SCLT1: variants seen among roughly 807,000 people sequenced by gnomAD.
SCLT1 encodes the protein sodium channel-associated protein 1.
A neutral mutation model predicts 112.8 loss-of-function variants in SCLT1; 78 were observed. That is an observed-to-expected ratio of 0.69 (90% confidence interval 0.58 to 0.83). The LOEUF (loss-of-function observed/expected upper bound fraction) is 0.83. Ranked by LOEUF, SCLT1 falls within the 40% of genes least tolerant of loss-of-function variation. SCLT1 has a pLI of 0.00. For synonymous variants in SCLT1, 257 were observed against 254.7 expected (o/e 1.01, Z -0.09); for missense variants, 747 against 770.4 (o/e 0.97, Z 0.36).
chr4:128,985,023 A>C (rs141533658), intron 9 of SCLT1, among the ~76,000 whole-genome samples: 1,621 of 152,238 alleles, frequency 0.011, 17 homozygotes, highest in Non-Finnish European at 0.017. Context: ...ATGTTGCTCT[A>C]ACTACATCTT....
At chr4:128,912,725 G>C (rs1668295) in intron 18 of SCLT1, among the ~76,000 whole-genome samples, 152,034 of 152,114 alleles carry the variant, frequency 1, 75,977 homozygotes, top group Middle Eastern at 1. Context: ...CCTCCTCTTC[G>C]CCCTCCTCCT....
At chr4:128,917,604 T>C (rs1317837728) in intron 18 of SCLT1, among the ~76,000 whole-genome samples, 2 of 152,180 alleles carry the variant, frequency 1.3e-5, no homozygotes, top group African/African-American at 4.8e-5. Context: ...TTTTAAAGAA[T>C]ATATGTTTGG....
At chr4:129,033,619 T>C (rs899093959) in intron 5 of SCLT1, among the ~76,000 whole-genome samples, 1 of 149,934 alleles carries the variant, frequency 6.7e-6, no homozygotes, top group East Asian at 2.0e-4. Flanking sequence ...CAGGGCTAGA[T>C]AATGCGCTCA....
chr4:128,990,806 A>G (rs1210991791), intron 9 of SCLT1, among the ~76,000 whole-genome samples: 1 of 151,734 alleles, frequency 6.6e-6, no homozygotes, highest in Admixed American at 6.6e-5. Flanking sequence ...GTCTGAAAAA[A>G]AAAACAAGAA....
intron 2 of SCLT1, among the ~76,000 whole-genome samples, chr4:129,063,021 A>C (rs1750131335): frequency 6.6e-6 from 1 of 151,996 alleles, no homozygotes; most frequent in Non-Finnish European, 1.5e-5. Flanking sequence ...TCTGTGTATC[A>C]CTTCTTTTGA....
At chr4:129,009,125 G>A (rs1233154030) in intron 5 of SCLT1, among the ~76,000 whole-genome samples, 2 of 152,294 alleles carry the variant, frequency 1.3e-5, no homozygotes, top group African/African-American at 4.8e-5. Flanking sequence ...CGATGAACAT[G>A]TGAGTGCATG....
chr4:129,040,128 G>A (rs1747574281), intron 4 of SCLT1: 2 of 700,240 alleles, frequency 2.9e-6, no homozygotes, highest in South Asian at 3.0e-5. Flanking sequence ...GAAGATCAAG[G>A]AAGCTTGGTC....
intron 18 of SCLT1, among the ~76,000 whole-genome samples, chr4:128,921,974 A>G (rs1005049403): frequency 6.6e-6 from 1 of 152,234 alleles, no homozygotes; most frequent in African/African-American, 2.4e-5. Context: ...ACCCCATTAT[A>G]AAGTGGGCAA....
In SCLT1 at chr4:128,997,878, T is replaced by C. The variant is rs749205253; in HGVS notation, c.611A>G (p.Glu204Gly). Residue 204 changes from glutamate (E) to glycine (G), a missense_variant, in exon 8 of 21, where the codon GAA becomes GGA. This residue lies in a region of SCLT1 where 723 missense variants were observed against 721.3 expected (regional missense o/e 1.00). Transcript: ENST00000281142. Reference protein sequence around the residue: ...KQLHVTNENMEVTNQQFLKTV... With the variant: ...KQLHVTNENMGVTNQQFLKTV... ...TATATAAATAAGTATACTTACCACTTCCATGTTCTCATTAGTAACATGAAG... is the reference window on the plus strand; with the variant it reads ...TATATAAATAAGTATACTTACCACTCCCATGTTCTCATTAGTAACATGAAG... 7.0e-7 allele frequency: 1 copy of C among 1,435,060 alleles called. No homozygotes were observed. The highest frequency in any genetic ancestry group is 9.4e-7 in the Non-Finnish European group (1 of 1,059,474). 88.9% of individuals were successfully genotyped at this position (1,435,060 alleles called of 1,614,324 possible).
intron 18 of SCLT1, among the ~76,000 whole-genome samples, chr4:128,905,857 T>G (rs1261027023): frequency 6.6e-6 from 1 of 152,110 alleles, no homozygotes; most frequent in Non-Finnish European, 1.5e-5. Flanking sequence ...CTACCTCCAT[T>G]CCAGTAATGT....
intron 5 of SCLT1, among the ~76,000 whole-genome samples, chr4:129,022,401 A>T (rs1217915517): frequency 1.3e-5 from 2 of 152,240 alleles, no homozygotes; most frequent in Non-Finnish European, 2.9e-5. Context: ...AACCTTGACA[A>T]AAGTTTACAG....
rs1295086689 is a variant in SCLT1 at position 129,017,149 on chromosome 4, T to C, written c.291-13273A>G. Among the ~76,000 whole-genome samples, 3 of 152,292 alleles carry C rather than the reference T, an allele frequency of 2.0e-5. No individual in the cohort carries two copies. In the East Asian group the frequency reaches 5.8e-4, roughly 29 times the overall value. On this transcript the variant is annotated intron_variant, in intron 5 of 20. Transcript: ENST00000281142. ...TAAAAATTTTTATGTGCTCATCTTT[T>C]GTCATTTTTTATTTTATTGCAGATG...
At chr4:129,026,107 T>A (rs186872575) in intron 5 of SCLT1, among the ~76,000 whole-genome samples, 2,273 of 152,218 alleles carry the variant, frequency 0.015, 26 homozygotes, top group Non-Finnish European at 0.022. Flanking sequence ...AATGGGAGAC[T>A]TTAACACCCC....
At position 128,982,334 on chromosome 4, in the gene SCLT1, C is replaced by T. The variant is rs532818856; in HGVS notation, c.686+9833G>A. Among the ~76,000 whole-genome samples, 10 of 152,252 alleles carry T rather than the reference C, an allele frequency of 6.6e-5. No individual in the cohort carries two copies. The South Asian group carries it at 2.1e-3, about 32-fold the overall frequency. On this transcript the variant is annotated intron_variant, in intron 9 of 20. Transcript: ENST00000281142. ...GGGTCAAATTAAAACAACTTTGAGG[C>T]TATCACATTATACATAAACTTATTA...
chr4:128,959,573 T>C lies in SCLT1; in HGVS notation c.1047+27A>G, dbSNP rs369907153. ...GGAGAATAGTCAACATTTTATTATA[T>C]CTAAACATATTTACTAGCTTTCTTA... On this transcript the variant is annotated intron_variant, in intron 12 of 20. Coordinates refer to ENST00000281142, the MANE Select transcript of SCLT1 (RefSeq NM_144643.4). 210 of 1,562,168 alleles carry C rather than the reference T, an allele frequency of 1.3e-4. 1 individual carries two copies. The highest frequency in any genetic ancestry group is 1.8e-4 in the Non-Finnish European group (202 of 1,135,526).
intron 1 of SCLT1, among the ~76,000 whole-genome samples, chr4:129,084,692 A>G (rs1201064289): frequency 6.6e-6 from 1 of 152,202 alleles, no homozygotes; most frequent in Non-Finnish European, 1.5e-5. Context: ...CCAATGGAAC[A>G]TAATAGTGAA....
At chr4:129,071,177 G>C (rs1750971101) in intron 2 of SCLT1, among the ~76,000 whole-genome samples, 1 of 152,038 alleles carries the variant, frequency 6.6e-6, no homozygotes, top group Non-Finnish European at 1.5e-5. Flanking sequence ...AATTTATTGA[G>C]GCCCATTTTA....
rs1409373740 is a variant in SCLT1, at chr4:128,897,330, A to G, written c.1830-6193T>C. 2.6e-5 allele frequency among the ~76,000 whole-genome samples: 4 copies of G among 152,146 alleles called. No homozygotes were observed. The East Asian group carries it at 7.7e-4, about 29-fold the overall frequency. ...TCAGACTAACAGCTGATCTCTCGGC[A>G]GAAACTCTACAAGCCAGAAGAGAGT... On this transcript the variant is annotated intron_variant, in intron 18 of 20. Coordinates refer to ENST00000281142, the MANE Select transcript of SCLT1 (RefSeq NM_144643.4).
intron 2 of SCLT1, among the ~76,000 whole-genome samples, chr4:129,073,112 G>A (rs1751168523): frequency 6.6e-6 from 1 of 152,048 alleles, no homozygotes; most frequent in Non-Finnish European, 1.5e-5. Flanking sequence ...TAGGCTCTGG[G>A]CTTGTACTGG....
Sources: allele counts gnomAD v4.1 joint callset (sites outside exome capture counted in the v4.1 genomes callset), GRCh38; gene constraint gnomAD v4.1.1; regional missense constraint gnomAD v4.1.1; transcripts MANE v1.5; gene names NCBI Gene and HGNC (gene_info 2026-07-23, HGNC 2026-07-21).